The following SLC25A26 variants were observed in gnomAD, a reference collection of about 807,000 sequenced individuals.
SLC25A26 encodes mitochondrial S-adenosylmethionine carrier protein.
In SLC25A26, 36 loss-of-function variants were observed where a neutral mutation model predicts 37.8. The observed-to-expected ratio is 0.95, with a 90% CI of 0.73 to 1.26. The LOEUF is 1.26. Among genes scored for constraint, SLC25A26 ranks in the 50% most tolerant of loss-of-function variants. The pLI, the probability that SLC25A26 is intolerant of heterozygous loss-of-function variation, is 0.00. For missense variants in SLC25A26, 390 were observed against 331.1 expected (o/e 1.18, Z -1.38); for synonymous variants, 129 against 122.5 (o/e 1.05, Z -0.35).
intron 6 of SLC25A26, chr3:66,356,124 G>C: frequency 2.2e-6 from 1 of 455,972 alleles, no homozygotes; most frequent in South Asian, 1.6e-5. Flanking sequence ...GTTATTTTCA[G>C]TGTGTTATTC....
At chr3:66,292,293 T>C (rs2074739734) in intron 5 of SLC25A26, among the ~76,000 whole-genome samples, 1 of 152,310 alleles carries the variant, frequency 6.6e-6, no homozygotes, top group South Asian at 2.1e-4. Context: ...TCATTTAGCC[T>C]GTTTACATTT....
chr3:66,354,862 G>A (rs1238765068), intron 6 of SLC25A26, among the ~76,000 whole-genome samples: 2 of 152,150 alleles, frequency 1.3e-5, no homozygotes, highest in Non-Finnish European at 2.9e-5. Flanking sequence ...CTCTCTGCCT[G>A]CCGCCATCCA....
At chr3:66,328,180 G>A (rs770115118) in intron 5 of SLC25A26, among the ~76,000 whole-genome samples, 5 of 152,090 alleles carry the variant, frequency 3.3e-5, no homozygotes, top group African/African-American at 9.7e-5. Flanking sequence ...GTTTTGTTTA[G>A]TATTGTGATG....
intron 5 of SLC25A26, among the ~76,000 whole-genome samples, chr3:66,341,913 C>T (rs1009872992): frequency 5.9e-5 from 9 of 151,940 alleles, no homozygotes; most frequent in African/African-American, 2.2e-4. Context: ...ATGGTTCTTA[C>T]TTTTGTTGTT....
At chr3:66,217,355 T>A (rs1014650189), upstream of SLC25A26, among the ~76,000 whole-genome samples, 1 of 152,206 alleles carries the variant, frequency 6.6e-6, no homozygotes. Flanking sequence ...AAAGTACTTA[T>A]GCACCTTGAT....
At chr3:66,280,515 T>C (rs963151214) in intron 5 of SLC25A26, among the ~76,000 whole-genome samples, 3 of 152,210 alleles carry the variant, frequency 2.0e-5, no homozygotes, top group Non-Finnish European at 4.4e-5. Context: ...TAACTTGATC[T>C]ACATAAAGCA....
chr3:66,332,272 CTG>C (rs1218672177), intron 5 of SLC25A26, among the ~76,000 whole-genome samples: 1 of 152,138 alleles, frequency 6.6e-6, no homozygotes, highest in Non-Finnish European at 1.5e-5. Flanking sequence ...CCTACTCCTA[CTG>C]TGTTTAGCCC....
chr3:66,306,567 G>A (rs1159028048), intron 5 of SLC25A26, among the ~76,000 whole-genome samples: 1 of 152,008 alleles, frequency 6.6e-6, no homozygotes, highest in African/African-American at 2.4e-5. Flanking sequence ...GTATACATGT[G>A]CCATGGTGGT....
In SLC25A26 at chr3:66,294,827, A is replaced by G. The variant is rs115525023; in HGVS notation, c.453+31448A>G. Among the ~76,000 whole-genome samples, 1,255 of 152,336 alleles carry G rather than the reference A, an allele frequency of 8.2e-3. 10 individuals are homozygous for G. Among genetic ancestry groups the G allele is most frequent in the South Asian group, 0.025 (121 of 4,828 alleles). Reference sequence around the variant, plus strand: ...ACGTAATTGTTAGGAAAGTCTTTGTAGCAAAAATGACCATGATGCTCCAGT... The same window carrying G: ...ACGTAATTGTTAGGAAAGTCTTTGTGGCAAAAATGACCATGATGCTCCAGT... On this transcript the variant is annotated intron_variant, in intron 5 of 9. Coordinates refer to ENST00000354883, the MANE Select transcript of SLC25A26 (RefSeq NM_001379210.1).
chr3:66,377,591 T>C, intron 9 of SLC25A26, 99 bp from the exon 10 acceptor site: 1 of 872,508 alleles, frequency 1.1e-6, no homozygotes, highest in Non-Finnish European at 1.9e-6. Flanking sequence ...AGTTAGCCAC[T>C]AATGAGCATG....
chr3:66,221,214 C>T, intron 1 of SLC25A26, 87 bp downstream of exon 1: 1 of 1,375,448 alleles, frequency 7.3e-7, no homozygotes, highest in East Asian at 2.7e-5. Flanking sequence ...GGTTTTCTTC[C>T]GGTTTTGCGG....
chr3:66,153,185 C>G (rs547886479), intron 1 of SLC25A26, among the ~76,000 whole-genome samples: 209 of 152,230 alleles, frequency 1.4e-3, no homozygotes, highest in African/African-American at 4.9e-3. Context: ...GGTGTTACTA[C>G]TGATATCTAG....
At chr3:66,336,188 G>A (rs1245822084) in intron 5 of SLC25A26, among the ~76,000 whole-genome samples, 6 of 152,120 alleles carry the variant, frequency 3.9e-5, no homozygotes, top group Admixed American at 3.9e-4. Context: ...CAGAAAAATT[G>A]CTCAGAAATA....
chr3:66,321,177 T>A (rs1414549726), intron 5 of SLC25A26, among the ~76,000 whole-genome samples: 1 of 152,210 alleles, frequency 6.6e-6, no homozygotes, highest in Non-Finnish European at 1.5e-5. Context: ...GGGAACTTGA[T>A]ATTAATGCAA....
intron 1 of SLC25A26, among the ~76,000 whole-genome samples, chr3:66,155,374 G>A (rs942084690): frequency 6.6e-6 from 1 of 152,114 alleles, no homozygotes; most frequent in African/African-American, 2.4e-5. Context: ...TTAGCCAGAT[G>A]TGGTGGTGTG....
At chr3:66,362,726 C>A in intron 6 of SLC25A26, 134 bp from the exon 7 acceptor site, 1 of 521,352 alleles carries the variant, frequency 1.9e-6, no homozygotes, top group Non-Finnish European at 3.4e-6. Context: ...TTGGGAAAGT[C>A]ACTTATGTCA....
At chr3:66,260,142 G>A (rs1217702669) in intron 3 of SLC25A26, among the ~76,000 whole-genome samples, 2 of 152,022 alleles carry the variant, frequency 1.3e-5, no homozygotes, top group Admixed American at 6.6e-5. Context: ...TGAATCTGGG[G>A]GTTGGACTAA....
intron 6 of SLC25A26, among the ~76,000 whole-genome samples, chr3:66,361,733 G>T (rs1194584690): frequency 6.6e-6 from 1 of 152,192 alleles, no homozygotes; most frequent in Admixed American, 6.5e-5. Context: ...AGAGGCTGAG[G>T]CGGGTGGATC....
At chr3:66,295,523 TC>T (rs1476947680) in intron 5 of SLC25A26, among the ~76,000 whole-genome samples, 1 of 151,054 alleles carries the variant, frequency 6.6e-6, no homozygotes, top group African/African-American at 2.4e-5. Context: ...TGCCTCAGCC[TC>T]CTGAGTAGCT....
Sources: allele counts gnomAD v4.1 joint callset (sites outside exome capture counted in the v4.1 genomes callset), GRCh38; gene constraint gnomAD v4.1.1; transcripts MANE v1.5; gene names NCBI Gene and HGNC (gene_info 2026-07-23, HGNC 2026-07-21).